The following NACC1 variants were observed in gnomAD, a reference collection of about 807,000 sequenced individuals.
NACC1 encodes nucleus accumbens-associated protein 1.
A neutral mutation model predicts 41.7 loss-of-function variants in NACC1; 6 were observed. The observed-to-expected ratio is 0.14, with a 90% CI of 0.08 to 0.28. NACC1 has a LOEUF of 0.28. NACC1 is among the 10% of genes least tolerant of loss of function. The probability of loss-of-function intolerance (pLI) is 1.00; values close to 1 mark genes in which losing one functional copy is unlikely to be tolerated. For synonymous variants in NACC1, 338 were observed against 330.6 expected (o/e 1.02, Z -0.24); for missense variants, 434 against 763.7 (o/e 0.57, Z 5.09).
At chr19:13,130,525 TTTTTC>T (rs1436752016) in intron 1 of NACC1, among the ~76,000 whole-genome samples, 4 of 150,076 alleles carry the variant, frequency 2.7e-5, no homozygotes, top group African/African-American at 7.5e-5. Context: ...ATACACCTCT[TTTTTC>T]TTTTCTTTTT....
At chr19:13,129,038 CA>C (rs796079807) in intron 1 of NACC1, among the ~76,000 whole-genome samples, 10 of 152,274 alleles carry the variant, frequency 6.6e-5, no homozygotes, top group African/African-American at 2.2e-4. Context: ...TTAGTTTCCT[CA>C]GAGGTAAGCT....
intron 1 of NACC1, among the ~76,000 whole-genome samples, chr19:13,130,119 C>A (rs979554070): frequency 6.6e-6 from 1 of 152,054 alleles, no homozygotes; most frequent in Admixed American, 6.5e-5. Context: ...CTCTATGACC[C>A]AGGCTGAAAT....
At chr19:13,118,872 G>C (rs921530188) in intron 1 of NACC1, among the ~76,000 whole-genome samples, 12 of 149,310 alleles carry the variant, frequency 8.0e-5, no homozygotes, top group East Asian at 2.0e-4. Flanking sequence ...GCGGCCGGAG[G>C]GGGGCGGGGA....
At position 13,138,521 on chromosome 19, in the gene NACC1, T is replaced by C. The variant is rs2019739692; in HGVS notation, c.*115T>C. ...CCCAGGACCCGCGGTGGGTGCTGCATGTTCCCGGCCCTCTGCCCCTCCTGT... is the reference window on the plus strand; with the variant it reads ...CCCAGGACCCGCGGTGGGTGCTGCACGTTCCCGGCCCTCTGCCCCTCCTGT... On this transcript the variant is annotated 3_prime_UTR_variant, in exon 6 of 6. Coordinates refer to ENST00000292431, the MANE Select transcript of NACC1 (RefSeq NM_052876.4). This position sits in a 1 kb window ranked among gnomAD's most constrained non-coding sequence, Gnocchi z 5.7. 1.4e-6 allele frequency: 2 copies of C among 1,432,146 alleles called. No homozygotes were observed. The highest frequency in any genetic ancestry group is 2.8e-5 in the African/African-American group (2 of 71,684). The allele number at this position is 1,432,146 out of a possible 1,614,324, so 88.7% of individuals were successfully genotyped here. A position where few individuals can be genotyped will look rare whatever the true frequency, so the allele number is the denominator to read the frequency against.
intron 1 of NACC1, among the ~76,000 whole-genome samples, chr19:13,131,145 G>A (rs890493583): frequency 7.9e-5 from 12 of 152,182 alleles, no homozygotes; most frequent in Admixed American, 6.5e-5. Context: ...TCACTAGACA[G>A]CTCCACATAA....
Position 13,135,273 on chromosome 19 carries a change from A to G in NACC1, c.66A>G (p.Glu22=). 1 of 1,613,764 alleles carries G rather than the reference A, an allele frequency of 6.2e-7. No homozygotes were observed. The highest frequency in any genetic ancestry group is 1.7e-5 in the Admixed American group (1 of 60,026). Reference sequence around the variant, plus strand: ...ACAGCATCCTGGAGTGCCTCAATGAACAGCGGCTGCAGGGCCTGTACTGTG... The same window carrying G: ...ACAGCATCCTGGAGTGCCTCAATGAGCAGCGGCTGCAGGGCCTGTACTGTG... ...FGNSILECLN[E]QRLQGLYCDV... Residue 22 remains glutamate (E), a synonymous_variant, in exon 2 of 6, where the codon GAA becomes GAG. Transcript: ENST00000292431.
chr19:13,129,396 T>C (rs1779676626), intron 1 of NACC1, among the ~76,000 whole-genome samples: 1 of 152,130 alleles, frequency 6.6e-6, no homozygotes, highest in Non-Finnish European at 1.5e-5. Flanking sequence ...TGAGGGCTTC[T>C]TGCAGGGGCC....
In NACC1 at chr19:13,133,732, C is replaced by T. The variant is rs549422615; in HGVS notation, c.-8-1468C>T. On this transcript the variant is annotated intron_variant, in intron 1 of 5. Coordinates refer to ENST00000292431, the MANE Select transcript of NACC1 (RefSeq NM_052876.4). ...CTATTGTGAATAATGCTGCTGTGAA[C>T]GTTTGTTTACAGGTTTTCAATGCAG... is the stretch of plus-strand genomic sequence containing the variant. Among the ~76,000 whole-genome samples, 4 of 152,210 alleles carry T rather than the reference C, an allele frequency of 2.6e-5. No homozygotes were observed. In the East Asian group the frequency reaches 7.7e-4, roughly 29 times the overall value.
chr19:13,137,714 C>A lies in NACC1; in HGVS notation c.1324+139C>A. ...GCTCATTCTAGCCTTGCTGGGAAAC[C>A]GGCTGTGATTGCTTAGAGATTTCTT... On this transcript the variant is annotated intron_variant, in intron 5 of 5. Coordinates refer to ENST00000292431, the MANE Select transcript of NACC1 (RefSeq NM_052876.4). This position sits in a 1 kb window ranked among gnomAD's most constrained non-coding sequence, Gnocchi z 6.1. 1.4e-6 allele frequency: 1 copy of A among 735,058 alleles called. No homozygotes were observed. The highest frequency in any genetic ancestry group is 1.9e-5 in the South Asian group (1 of 53,752). 45.5% of individuals were successfully genotyped at this position (735,058 alleles called of 1,614,324 possible). A position where few individuals can be genotyped will look rare whatever the true frequency, so the allele number is the denominator to read the frequency against.
chr19:13,127,333 CAAA>C (rs59958429), intron 1 of NACC1, among the ~76,000 whole-genome samples: 277 of 40,130 alleles, frequency 6.9e-3, no homozygotes, highest in African/African-American at 0.014. Context: ...ACGTCTCTAC[CAAA>C]AAAAAAAAAA....
Position 13,135,326 on chromosome 19 carries a change from C to G in NACC1, c.119C>G (p.Ala40Gly). 6.2e-7 allele frequency: 1 copy of G among 1,613,764 alleles called. No homozygotes were observed. ...CDVSVVVKGH[A>G]FKAHRAVLAA... ...GTGTCAGTGGTGGTCAAGGGCCATGCCTTCAAGGCCCACCGGGCCGTGCTT... is the reference window on the plus strand; with the variant it reads ...GTGTCAGTGGTGGTCAAGGGCCATGGCTTCAAGGCCCACCGGGCCGTGCTT... Residue 40 changes from alanine to glycine, a missense_variant, in exon 2 of 6, where the codon GCC becomes GGC. Transcript: ENST00000292431.
At position 13,139,460 on chromosome 19, in the gene NACC1, G is replaced by C. The variant is rs1016341994; in HGVS notation, c.*1054G>C. The C allele has an allele frequency of 2.6e-5, 4 of 152,662 alleles. No homozygotes were observed. Among genetic ancestry groups the C allele is most frequent in the African/African-American group, 9.7e-5 (4 of 41,442 alleles). 9.5% of individuals were successfully genotyped at this position (152,662 alleles called of 1,614,324 possible). A position where few individuals can be genotyped will look rare whatever the true frequency, so the allele number is the denominator to read the frequency against. On this transcript the variant is annotated 3_prime_UTR_variant, in exon 6 of 6. Transcript: ENST00000292431. The stretch of plus-strand genomic sequence containing the variant: ...CAGGGGTGGGGGGCCTTGGAAGGCA[G>C]GGCGGTGTTGGGGGGCTGGGGGGCA...
In NACC1 at chr19:13,135,918, G is replaced by A. The variant is rs1049321864; in HGVS notation, c.711G>A (p.Ala237=). The A allele has an allele frequency of 9.5e-6, 15 of 1,575,012 alleles. No homozygotes were observed. Among genetic ancestry groups the A allele is most frequent in the Admixed American group, 5.6e-5 (3 of 53,344 alleles). ...CAGCAGCCCAGCCCGCCGTGGCTGC[G>A]GGAGCAGGGCAGCCAGCCGGTGGGG... ...VVAAAQPAVA[A]GAGQPAGGVA... Residue 237 remains alanine, a synonymous_variant, in exon 2 of 6, where the codon GCG becomes GCA. Coordinates refer to ENST00000292431, the MANE Select transcript of NACC1 (RefSeq NM_052876.4).
intron 1 of NACC1, among the ~76,000 whole-genome samples, chr19:13,126,725 TA>T (rs2019567475): frequency 6.6e-6 from 1 of 152,190 alleles, no homozygotes; most frequent in South Asian, 2.1e-4. Context: ...CAGCCACAGA[TA>T]ATGCTTCTGA....
At chr19:13,128,079 G>A (rs1459591561) in intron 1 of NACC1, among the ~76,000 whole-genome samples, 1 of 152,190 alleles carries the variant, frequency 6.6e-6, no homozygotes, top group Non-Finnish European at 1.5e-5. Flanking sequence ...GCCAGAGCTG[G>A]TGAAGCTACG....
rs1407531537 is a variant in NACC1 at position 13,139,818 on chromosome 19, G to T, written c.*1412G>T. The T allele has an allele frequency of 2.7e-5, 4 of 146,942 alleles. No individual in the cohort carries two copies. The highest frequency in any genetic ancestry group is 6.1e-5 in the Non-Finnish European group (4 of 65,976). The allele number at this position is 146,942 out of a possible 1,614,324, so 9.1% of individuals were successfully genotyped here. ...TTGTTGTTTTAGATTTTCATGTGAA[G>T]GCAGTTTTTTTTCTTTTTTAACTCC... is the stretch of plus-strand genomic sequence containing the variant. On this transcript the variant is annotated 3_prime_UTR_variant, in exon 6 of 6. Transcript: ENST00000292431.
At position 13,125,977 on chromosome 19, in the gene NACC1, T is replaced by G. The variant is rs549714196; in HGVS notation, c.-9+7523T>G. Among the ~76,000 whole-genome samples the G allele has an allele frequency of 4.6e-5, 7 of 151,782 alleles. No homozygotes were observed. In the East Asian group the frequency reaches 1.4e-3, roughly 29 times the overall value. ...GTCTCCAACTCCTGACCTCAGGTGA[T>G]CCGCCCACCTCGGCCTCCCAAAGTG... On this transcript the variant is annotated intron_variant, in intron 1 of 5. Coordinates refer to ENST00000292431, the MANE Select transcript of NACC1 (RefSeq NM_052876.4).
intron 1 of NACC1, among the ~76,000 whole-genome samples, chr19:13,118,729 C>T (rs1393664310): frequency 2.0e-5 from 3 of 150,242 alleles, no homozygotes; most frequent in African/African-American, 7.4e-5. Context: ...GGGGCAGGTA[C>T]CGGGGATCCG....
chr19:13,127,065 G>A (rs894047335), intron 1 of NACC1, among the ~76,000 whole-genome samples: 3 of 151,634 alleles, frequency 2.0e-5, no homozygotes, highest in African/African-American at 4.8e-5. Flanking sequence ...GGGAGACCTC[G>A]TCTCTATTAC....
Sources: allele counts gnomAD v4.1 joint callset (sites outside exome capture counted in the v4.1 genomes callset), GRCh38; gene constraint gnomAD v4.1.1; non-coding constraint Gnocchi (gnomAD v3.1); transcripts MANE v1.5; gene names NCBI Gene and HGNC (gene_info 2026-07-23, HGNC 2026-07-21).